Variants in CNBD1 observed in about 807,000 individuals in gnomAD.
CNBD1 encodes the protein cyclic nucleotide binding domain containing 1, also known as cyclic nucleotide-binding domain-containing protein 1.
In CNBD1, 71 loss-of-function variants were observed where a neutral mutation model predicts 54.4. The observed-to-expected ratio is 1.30, with a 90% CI of 1.08 to 1.59. CNBD1 has a LOEUF of 1.59. Among genes scored for constraint, CNBD1 ranks in the 40% most tolerant of loss-of-function variants. CNBD1 has a pLI of 0.00. For missense variants in CNBD1, 659 were observed against 518.0 expected, an observed-to-expected ratio of 1.27 and a Z score of -2.64; for synonymous variants, 182 against 170.7, an observed-to-expected ratio of 1.07 and a Z score of -0.51.
intron 2 of CNBD1, among the ~76,000 whole-genome samples, chr8:86,902,293 G>T (rs1713136305): frequency 6.6e-6 from 1 of 151,922 alleles, no homozygotes; most frequent in Non-Finnish European, 1.5e-5. Context: ...ACCTTTTTGG[G>T]AGTTGGGGGG....
chr8:87,158,703 T>A (rs1300863157), intron 4 of CNBD1, among the ~76,000 whole-genome samples: 3 of 152,144 alleles, frequency 2.0e-5, no homozygotes, highest in African/African-American at 7.2e-5. Context: ...AAGTAATGGA[T>A]GCTCTGGTAC....
intron 8 of CNBD1, among the ~76,000 whole-genome samples, chr8:87,325,871 G>A (rs1443718335): frequency 7.0e-5 from 10 of 142,598 alleles, no homozygotes; most frequent in South Asian, 2.3e-4. Context: ...GATTTTGCTC[G>A]TTAGTTGATG....
intron 6 of CNBD1, among the ~76,000 whole-genome samples, chr8:87,260,384 T>C (rs565314580): frequency 3.9e-5 from 6 of 152,282 alleles, no homozygotes; most frequent in Admixed American, 1.3e-4. Context: ...TGCTGGGTCA[T>C]CTTGAGCAGT....
rs115080285 is a variant in CNBD1, at chr8:87,123,912, G to A, written c.432-82081G>A. Among the ~76,000 whole-genome samples the A allele has an allele frequency of 2.8e-3, 424 of 151,566 alleles. 3 individuals are homozygous for A. Among genetic ancestry groups the A allele is most frequent in the African/African-American group, 9.7e-3 (404 of 41,474 alleles). On this transcript the variant is annotated intron_variant, in intron 4 of 10. Coordinates refer to ENST00000518476, the MANE Select transcript of CNBD1 (RefSeq NM_173538.3). ...GAAATTGATAAATTTCTAGACACAT[G>A]GACCCTACCAAGACTGAAACCTGAA...
At chr8:87,378,550 A>C (rs1400805093) in intron 10 of CNBD1, among the ~76,000 whole-genome samples, 2 of 150,628 alleles carry the variant, frequency 1.3e-5, no homozygotes, top group Non-Finnish European at 2.9e-5. Flanking sequence ...TGTTTTGGTT[A>C]CTGTAGCCTT....
At chr8:87,393,662 G>A (rs1359627293) in intron 2 of CNBD1, among the ~76,000 whole-genome samples, 1 of 151,862 alleles carries the variant, frequency 6.6e-6, no homozygotes, top group African/African-American at 2.4e-5. Context: ...AATGTAGTAT[G>A]TGCAATAGAC....
chr8:87,404,105 T>TC (rs1807613737), intron 2 of CNBD1, among the ~76,000 whole-genome samples: 2 of 151,970 alleles, frequency 1.3e-5, no homozygotes, highest in African/African-American at 4.8e-5. Flanking sequence ...AGGGAAGGTA[T>TC]TAGATCAAGA....
intron 6 of CNBD1, among the ~76,000 whole-genome samples, chr8:87,276,913 C>A (rs973101242): frequency 7.3e-5 from 11 of 151,262 alleles, no homozygotes; most frequent in African/African-American, 2.7e-4. Flanking sequence ...GTCTACCAGG[C>A]AGTCAGGCCT....
intron 4 of CNBD1, among the ~76,000 whole-genome samples, chr8:87,066,441 CT>C (rs2130646260): frequency 6.6e-6 from 1 of 152,080 alleles, no homozygotes; most frequent in East Asian, 1.9e-4. Flanking sequence ...TGAAGTTTCC[CT>C]TTTCAGTGTG....
At chr8:87,238,332 T>C (rs2130827144) in intron 6 of CNBD1, among the ~76,000 whole-genome samples, 1 of 152,198 alleles carries the variant, frequency 6.6e-6, no homozygotes, top group African/African-American at 2.4e-5. Context: ...CTACCAAGTA[T>C]CCATTTAAAT....
At chr8:87,395,784 A>T (rs563201747) in intron 2 of CNBD1, among the ~76,000 whole-genome samples, 2 of 151,874 alleles carry the variant, frequency 1.3e-5, no homozygotes, top group East Asian at 3.9e-4. Flanking sequence ...CCCACGTATC[A>T]TGGGAGGGAC....
intron 8 of CNBD1, among the ~76,000 whole-genome samples, chr8:87,334,693 T>G (rs1404641574): frequency 2.0e-5 from 3 of 151,246 alleles, no homozygotes; most frequent in African/African-American, 7.3e-5. Flanking sequence ...TGAGTGAGTT[T>G]TCTTTTTTCT....
intron 5 of CNBD1, among the ~76,000 whole-genome samples, chr8:87,230,697 A>T (rs893841025): frequency 2.6e-5 from 4 of 152,164 alleles, no homozygotes. Context: ...CAAATATTTA[A>T]TGCTTGGTAC....
At chr8:87,132,143 A>C (rs1812129898) in intron 4 of CNBD1, among the ~76,000 whole-genome samples, 1 of 151,878 alleles carries the variant, frequency 6.6e-6, no homozygotes, top group Non-Finnish European at 1.5e-5. Context: ...TTCAACACCT[A>C]AAATTAATTA....
At chr8:87,412,398 G>C (rs904863888) in intron 2 of CNBD1, among the ~76,000 whole-genome samples, 1 of 152,052 alleles carries the variant, frequency 6.6e-6, no homozygotes, top group Non-Finnish European at 1.5e-5. Context: ...ATATGACCAG[G>C]ATTTGCTTCT....
intron 4 of CNBD1, among the ~76,000 whole-genome samples, chr8:87,128,787 A>G (rs113723395): frequency 5.9e-5 from 9 of 151,690 alleles, no homozygotes; most frequent in African/African-American, 1.9e-4. Context: ...TGGTGTTAAG[A>G]ATTTTGCTAT....
Position 87,111,461 on chromosome 8 carries a change from T to G in CNBD1, c.432-94532T>G, listed in dbSNP as rs1165416899. 2.0e-5 allele frequency among the ~76,000 whole-genome samples: 3 copies of G among 152,246 alleles called. No individual in the cohort carries two copies. In the East Asian group the frequency reaches 5.8e-4, roughly 29 times the overall value. On this transcript the variant is annotated intron_variant, in intron 4 of 10. Transcript: ENST00000518476. ...TGTAGGTATTCCCCTTTTCTCAGTG[T>G]GTACTTACCTTGTTGCACAGCCTCT...
chr8:87,178,030 A>G (rs1813233610), intron 4 of CNBD1, among the ~76,000 whole-genome samples: 1 of 152,232 alleles, frequency 6.6e-6, no homozygotes. Flanking sequence ...GCTTAAAAGC[A>G]ATGTGGAGGA....
intron 4 of CNBD1, among the ~76,000 whole-genome samples, chr8:87,103,364 T>A (rs1316067566): frequency 6.6e-6 from 1 of 152,218 alleles, no homozygotes; most frequent in African/African-American, 2.4e-5. Context: ...AAAAATGCTA[T>A]GAGACATGTA....
Sources: gnomAD v4.1 joint callset for allele counts (sites outside exome capture counted in the v4.1 genomes callset) on GRCh38, gnomAD v4.1.1 for gene constraint, MANE v1.5 for transcripts, NCBI Gene and HGNC (gene_info 2026-07-23, HGNC 2026-07-21) for gene names.